The following ADCY1 variants were observed in gnomAD, a reference collection of about 807,000 sequenced individuals.
ADCY1 encodes the protein adenylate cyclase 1.
Under a neutral mutation model 105.4 loss-of-function variants are expected in ADCY1, and 28 were observed. The observed-to-expected ratio is 0.27, with a 90% CI of 0.20 to 0.36. The LOEUF (loss-of-function observed/expected upper bound fraction) is 0.36. Ranked by LOEUF, ADCY1 falls within the 10% of genes least tolerant of loss-of-function variation. ADCY1 has a pLI of 1.00. For synonymous variants in ADCY1, 655 were observed against 623.8 expected (o/e 1.05, Z -0.75); for missense variants, 977 against 1,434.2 (o/e 0.68, Z 5.15).
chr7:45,682,037 G>T (rs1010673095), intron 11 of ADCY1, among the ~76,000 whole-genome samples: 1 of 152,152 alleles, frequency 6.6e-6, no homozygotes, highest in Admixed American at 6.5e-5. Flanking sequence ...GGCTCCAGTT[G>T]TCTGGGCCTC....
At chr7:45,645,166 A>T (rs1232457367) in intron 4 of ADCY1, among the ~76,000 whole-genome samples, 1 of 152,078 alleles carries the variant, frequency 6.6e-6, no homozygotes, top group Non-Finnish European at 1.5e-5. Flanking sequence ...GTGCATGTGG[A>T]TAGCCTGTGC....
intron 19 of ADCY1, among the ~76,000 whole-genome samples, chr7:45,711,869 ATATT>A (rs1164631069): frequency 1.7e-5 from 2 of 120,456 alleles, no homozygotes; most frequent in African/African-American, 6.4e-5. Flanking sequence ...TTATTAATAT[ATATT>A]AAATATATAA....
intron 2 of ADCY1, among the ~76,000 whole-genome samples, chr7:45,593,470 A>C (rs1436575272): frequency 2.6e-5 from 4 of 152,172 alleles, no homozygotes; most frequent in African/African-American, 4.8e-5. Context: ...GGGAAAGAGC[A>C]GTGGCTTGGA....
Position 45,704,499 on chromosome 7 carries a change from T to G in ADCY1, c.2719-19T>G. The G allele has an allele frequency of 6.2e-7, 1 of 1,607,810 alleles. No individual in the cohort carries two copies. The highest frequency in any genetic ancestry group is 2.2e-5 in the East Asian group (1 of 44,806). The stretch of plus-strand genomic sequence containing the variant: ...TCAAATGTTATGTCATGTTTAACAG[T>G]TTTATGTTTTAAACAAAGCTCATGG... On this transcript the variant is annotated intron_variant, in intron 16 of 19. Coordinates refer to ENST00000297323, the MANE Select transcript of ADCY1 (RefSeq NM_021116.4).
chr7:45,574,824 C>T lies in ADCY1; in HGVS notation c.281C>T (p.Ser94Leu). The T allele has an allele frequency of 1.2e-6, 2 of 1,609,496 alleles. No homozygotes were observed. The highest frequency in any genetic ancestry group is 1.7e-6 in the Non-Finnish European group (2 of 1,179,300). ...CCCGCGCCCGGCCTGGCCAAGGGCT[C>T]ACACCCGGTGCACTGCGTCCTCTTC... ...PGPAPGLAKGSHPVHCVLFLA... is the reference protein window; with the variant it reads ...PGPAPGLAKGLHPVHCVLFLA... Residue 94 changes from serine (S) to leucine (L), a missense_variant, in exon 1 of 20, where the codon TCA becomes TTA. By Grantham distance (145) the Ser-to-Leu change is moderately radical. Around this residue, in one of 7 missense-constraint regions of ADCY1, gnomAD observed 209 missense variants for 222.5 expected, o/e 0.94. Coordinates refer to ENST00000297323, the MANE Select transcript of ADCY1 (RefSeq NM_021116.4). The surrounding 1 kb of genome is among the most constrained non-coding windows in gnomAD (Gnocchi z 7.0).
intron 2 of ADCY1, among the ~76,000 whole-genome samples, chr7:45,601,928 A>G (rs1457883083): frequency 6.6e-6 from 1 of 152,116 alleles, no homozygotes; most frequent in Non-Finnish European, 1.5e-5. Context: ...GGCAGGGCAG[A>G]GGACGCCAGG....
chr7:45,714,024 C>T lies in ADCY1; in HGVS notation c.*29C>T, dbSNP rs200879539. ...AGCCCACGTGGGCCTCTGGGGTGCACATGGGGTGGGAATGCTCCGGGGGTG... is the reference window on the plus strand; with the variant it reads ...AGCCCACGTGGGCCTCTGGGGTGCATATGGGGTGGGAATGCTCCGGGGGTG... On this transcript the variant is annotated 3_prime_UTR_variant, in exon 20 of 20. Coordinates refer to ENST00000297323, the MANE Select transcript of ADCY1 (RefSeq NM_021116.4). 8.0e-6 allele frequency: 6 copies of T among 752,474 alleles called. No individual in the cohort carries two copies. The East Asian group carries it at 1.5e-4, about 18-fold the overall frequency. 46.6% of individuals were successfully genotyped at this position (752,474 alleles called of 1,614,324 possible).
chr7:45,679,929 C>G, intron 11 of ADCY1, 136 bp downstream of exon 11: 1 of 1,109,256 alleles, frequency 9.0e-7, no homozygotes, highest in Non-Finnish European at 1.4e-6. Flanking sequence ...TCACCTTGTT[C>G]AGGTATGTGG....
At chr7:45,610,043 C>A (rs1033063211) in intron 2 of ADCY1, among the ~76,000 whole-genome samples, 2 of 152,062 alleles carry the variant, frequency 1.3e-5, no homozygotes, top group Non-Finnish European at 2.9e-5. Flanking sequence ...ATTGTTGGAG[C>A]AGTAGGGGGA....
Position 45,655,279 on chromosome 7 carries a change from C to T in ADCY1, c.1149-2448C>T, listed in dbSNP as rs555163463. 2.0e-5 allele frequency among the ~76,000 whole-genome samples: 3 copies of T among 152,362 alleles called. No individual in the cohort carries two copies. In the East Asian group the frequency reaches 5.8e-4, roughly 29 times the overall value. On this transcript the variant is annotated intron_variant, in intron 5 of 19. Coordinates refer to ENST00000297323, the MANE Select transcript of ADCY1 (RefSeq NM_021116.4). ...CTCTGCCAGAGGTGGGTTGCTTCCT[C>T]ATTTCCTTCCTGTTGGGGTCCAGCT...
chr7:45,657,113 C>A (rs2116100493), intron 5 of ADCY1, among the ~76,000 whole-genome samples: 1 of 152,360 alleles, frequency 6.6e-6, no homozygotes, highest in South Asian at 2.1e-4. Flanking sequence ...GTTGTCCCCA[C>A]CCCAGCTCCT....
chr7:45,605,560 A>G (rs915309108), intron 2 of ADCY1, among the ~76,000 whole-genome samples: 21 of 147,952 alleles, frequency 1.4e-4, no homozygotes, highest in Admixed American at 1.3e-4. Flanking sequence ...ATCAATTGCT[A>G]TGTGATTTTT....
intron 3 of ADCY1, among the ~76,000 whole-genome samples, chr7:45,619,505 A>AAT (rs956092454): frequency 6.6e-5 from 10 of 152,270 alleles, no homozygotes; most frequent in African/African-American, 2.4e-4. Context: ...TGTGTCAGTT[A>AAT]ATATATATAT....
rs375003200 is a variant in ADCY1, at chr7:45,585,247, G to T, written c.640-7512G>T. On this transcript the variant is annotated intron_variant, in intron 1 of 19. Coordinates refer to ENST00000297323, the MANE Select transcript of ADCY1 (RefSeq NM_021116.4). ...TGTTTTCTCAAACCCTACCTGCCCT[G>T]CAGTGTCAGTGATTAACTGAGGGAA... is the stretch of plus-strand genomic sequence containing the variant. Among the ~76,000 whole-genome samples, 16 of 152,326 alleles carry T rather than the reference G, an allele frequency of 1.1e-4. No homozygotes were observed. The East Asian group carries it at 2.7e-3, about 26-fold the overall frequency.
Position 45,678,015 on chromosome 7 carries a change from C to T in ADCY1, c.1752C>T (p.Asp584=). 6.2e-7 allele frequency: 1 copy of T among 1,614,170 alleles called. No homozygotes were observed. The highest frequency in any genetic ancestry group is 8.5e-7 in the Non-Finnish European group (1 of 1,180,036). The stretch of plus-strand genomic sequence containing the variant: ...GCCAGACAGAGCTGGAGATGGCAGA[C>T]CTGAACTTCTTTACCCTGAAGTACA... ...EARQTELEMA[D]LNFFTLKYKH... Residue 584 remains aspartate, a synonymous_variant, in exon 9 of 20, where the codon GAC becomes GAT. Coordinates refer to ENST00000297323, the MANE Select transcript of ADCY1 (RefSeq NM_021116.4).
chr7:45,677,822 T>A (rs1367752198), intron 8 of ADCY1, 47 bp from the exon 9 acceptor site: 3 of 1,578,732 alleles, frequency 1.9e-6, no homozygotes, highest in Admixed American at 1.8e-5. Flanking sequence ...TTTTCTTCAA[T>A]AAGTGGAGAA....
At chr7:45,574,180 A>C, upstream of ADCY1, 1 of 974,972 alleles carries the variant, frequency 1.0e-6, no homozygotes, top group Non-Finnish European at 1.2e-6. The surrounding 1 kb of genome is among the most constrained non-coding windows in gnomAD (Gnocchi z 7.0). Flanking sequence ...CTCGGAGGGG[A>C]CAAGGAAGGT....
intron 3 of ADCY1, among the ~76,000 whole-genome samples, chr7:45,611,514 C>T (rs1016700584): frequency 6.6e-6 from 1 of 151,964 alleles, no homozygotes; most frequent in African/African-American, 2.4e-5. Flanking sequence ...TATGTGTGCT[C>T]TTCTGTCTTA....
At chr7:45,662,981 A>G (rs1044551815) in intron 8 of ADCY1, among the ~76,000 whole-genome samples, 3 of 152,176 alleles carry the variant, frequency 2.0e-5, no homozygotes, top group Non-Finnish European at 2.9e-5. Flanking sequence ...AGAAATGGGG[A>G]GGAGAATAGC....
Sources: allele counts gnomAD v4.1 joint callset (sites outside exome capture counted in the v4.1 genomes callset), GRCh38; gene constraint gnomAD v4.1.1; regional missense constraint gnomAD v4.1.1; non-coding constraint Gnocchi (gnomAD v3.1); transcripts MANE v1.5; gene names NCBI Gene and HGNC (gene_info 2026-07-23, HGNC 2026-07-21).